SHC3: variants seen among roughly 807,000 people sequenced by gnomAD.
SHC3 encodes the protein SHC adaptor protein 3.
Under a neutral mutation model 60.4 loss-of-function variants are expected in SHC3, and 15 were observed. The observed-to-expected ratio is 0.25, with a 90% CI of 0.17 to 0.38. The LOEUF is 0.38. Ranked by LOEUF, SHC3 falls within the 10% of genes least tolerant of loss-of-function variation. The probability of loss-of-function intolerance (pLI) is 1.00; values close to 1 mark genes in which losing one functional copy is unlikely to be tolerated. For missense variants in SHC3, 677 were observed against 786.1 expected, an observed-to-expected ratio of 0.86 and a Z score of 1.66; for synonymous variants, 294 against 325.9, an observed-to-expected ratio of 0.90 and a Z score of 1.05.
At chr9:89,112,507 C>G in intron 2 of SHC3, 49 bp downstream of exon 2, 1 of 1,585,684 alleles carries the variant, frequency 6.3e-7, no homozygotes, top group Non-Finnish European at 8.6e-7. Flanking sequence ...TCTCTGAGAT[C>G]CTTCCTTCAG....
intron 2 of SHC3, among the ~76,000 whole-genome samples, chr9:89,103,473 A>T (rs1354221781): frequency 6.6e-6 from 1 of 152,206 alleles, no homozygotes; most frequent in East Asian, 1.9e-4. Flanking sequence ...AGGACTCAGC[A>T]GCTGCTTGGC....
intron 1 of SHC3, among the ~76,000 whole-genome samples, chr9:89,118,987 A>G (rs75403312): frequency 1.3e-5 from 2 of 152,316 alleles, no homozygotes; most frequent in East Asian, 3.9e-4. Flanking sequence ...ATTTTTTACA[A>G]TGATCAGAAA....
intron 1 of SHC3, among the ~76,000 whole-genome samples, chr9:89,174,832 A>G (rs943876818): frequency 6.6e-6 from 1 of 152,162 alleles, no homozygotes; most frequent in African/African-American, 2.4e-5. Context: ...CTCTTTAAAA[A>G]CTGAACCCCT....
At chr9:89,075,536 A>T (rs2118007888) in intron 3 of SHC3, among the ~76,000 whole-genome samples, 1 of 152,248 alleles carries the variant, frequency 6.6e-6, no homozygotes, top group African/African-American at 2.4e-5. Context: ...TCTCATGGAG[A>T]AGTCCTCATA....
At chr9:89,061,962 A>C (rs1421208741) in intron 6 of SHC3, among the ~76,000 whole-genome samples, 1 of 152,194 alleles carries the variant, frequency 6.6e-6, no homozygotes, top group Non-Finnish European at 1.5e-5. Context: ...ATATACCCCC[A>C]CAGATAAGGG....
intron 2 of SHC3, among the ~76,000 whole-genome samples, chr9:89,110,826 T>C (rs914349772): frequency 2.0e-5 from 3 of 152,208 alleles, no homozygotes; most frequent in Non-Finnish European, 4.4e-5. Context: ...CTAAATGGAA[T>C]GGGATTGAAG....
chr9:89,096,226 A>T (rs553216811), intron 2 of SHC3, among the ~76,000 whole-genome samples: 2 of 152,224 alleles, frequency 1.3e-5, no homozygotes. Flanking sequence ...CTAAGTAGGC[A>T]TGAGATGATT....
At chr9:89,028,527 T>C (rs947724614) in intron 11 of SHC3, among the ~76,000 whole-genome samples, 2 of 145,998 alleles carry the variant, frequency 1.4e-5, no homozygotes, top group Non-Finnish European at 3.0e-5. Context: ...TATATAGATA[T>C]AGATTAATAT....
chr9:89,158,063 C>CT (rs1222754560), intron 1 of SHC3, among the ~76,000 whole-genome samples: 3 of 150,868 alleles, frequency 2.0e-5, no homozygotes, highest in South Asian at 2.1e-4. Context: ...TGCTTTAACC[C>CT]TTTTTTTTAG....
chr9:89,014,106 T>C (rs1826055658), intron 11 of SHC3, among the ~76,000 whole-genome samples: 2 of 152,180 alleles, frequency 1.3e-5, no homozygotes, highest in Admixed American at 1.3e-4. Context: ...GGGGCAAGCC[T>C]CACAGTTCCC....
chr9:89,089,423 G>C (rs1201654523), intron 2 of SHC3, among the ~76,000 whole-genome samples: 1 of 152,150 alleles, frequency 6.6e-6, no homozygotes. Flanking sequence ...GGTGGAGCAG[G>C]AGGGAACTGG....
chr9:89,049,179 C>T (rs1258591065), intron 7 of SHC3, among the ~76,000 whole-genome samples: 1 of 152,056 alleles, frequency 6.6e-6, no homozygotes, highest in Non-Finnish European at 1.5e-5. Context: ...GAGAATGGCG[C>T]GAACCCGGTA....
chr9:89,087,552 G>A (rs1045144097), intron 2 of SHC3, among the ~76,000 whole-genome samples: 2 of 152,194 alleles, frequency 1.3e-5, no homozygotes, highest in Non-Finnish European at 1.5e-5. Flanking sequence ...CCACATGCCT[G>A]CTTCTTGTGG....
At chr9:89,028,987 ATATC>A (rs1260630840) in intron 11 of SHC3, among the ~76,000 whole-genome samples, 3 of 149,312 alleles carry the variant, frequency 2.0e-5, no homozygotes, top group Non-Finnish European at 4.4e-5. Flanking sequence ...ATAGATATAG[ATATC>A]TATATAGATA....
chr9:89,038,479 G>A (rs1348017947), intron 10 of SHC3, among the ~76,000 whole-genome samples, 191 bp from the exon 11 acceptor site: 3 of 152,162 alleles, frequency 2.0e-5, no homozygotes, highest in Admixed American at 6.5e-5. Flanking sequence ...GCATTGAAAA[G>A]CACAGCCCAA....
intron 9 of SHC3, among the ~76,000 whole-genome samples, chr9:89,042,676 T>C (rs1048758486): frequency 6.6e-6 from 1 of 152,204 alleles, no homozygotes; most frequent in African/African-American, 2.4e-5. Flanking sequence ...TGAGAGAGAC[T>C]CCTTCCTTAT....
At chr9:89,162,422 C>G (rs1056086047) in intron 1 of SHC3, among the ~76,000 whole-genome samples, 3 of 151,372 alleles carry the variant, frequency 2.0e-5, no homozygotes, top group African/African-American at 7.3e-5. Flanking sequence ...AGAACAGAGC[C>G]CTCAGAAATA....
intron 3 of SHC3, among the ~76,000 whole-genome samples, chr9:89,076,267 C>T (rs924249671): frequency 3.3e-5 from 5 of 152,180 alleles, no homozygotes; most frequent in African/African-American, 1.2e-4. Context: ...CATGGGCTGG[C>T]ACATCTGAGT....
chr9:89,032,671 C>T (rs1824509991), intron 11 of SHC3, among the ~76,000 whole-genome samples: 1 of 152,100 alleles, frequency 6.6e-6, no homozygotes, highest in Non-Finnish European at 1.5e-5. Flanking sequence ...AGAAGATGCC[C>T]CACGCAGCTT....
Sources: allele counts gnomAD v4.1 joint callset (sites outside exome capture counted in the v4.1 genomes callset), GRCh38; gene constraint gnomAD v4.1.1; transcripts MANE v1.5; gene names NCBI Gene and HGNC (gene_info 2026-07-23, HGNC 2026-07-21).